Variants in CTBP2 observed in about 807,000 individuals in gnomAD.
CTBP2 encodes C-terminal binding protein 2, also known as C-terminal-binding protein 2.
CTBP2 carries 30 observed loss-of-function variants against 80.3 expected under a neutral mutation model. The ratio of observed to expected loss-of-function variants is 0.37; its 90% CI spans 0.28 to 0.51. The LOEUF is 0.51. CTBP2 is among the 20% of genes least tolerant of loss of function. The pLI is 0.93. For missense variants in CTBP2, 1,212 were observed against 1,375.3 expected (o/e 0.88, Z 1.88); for synonymous variants, 594 against 587.4 (o/e 1.01, Z -0.16).
intron 2 of CTBP2, among the ~76,000 whole-genome samples, chr10:125,084,804 G>A (rs967075127): frequency 5.3e-5 from 8 of 152,158 alleles, no homozygotes; most frequent in Middle Eastern, 6.8e-3. Context: ...CCACCAAGAC[G>A]CCTTGAGATC....
chr10:125,090,543 A>G (rs530521153), intron 2 of CTBP2, among the ~76,000 whole-genome samples: 1 of 151,786 alleles, frequency 6.6e-6, no homozygotes, highest in Non-Finnish European at 1.5e-5. Flanking sequence ...TGGAAGGATC[A>G]CTTGAGGCCA....
At chr10:125,071,404 G>T (rs1246454137) in intron 2 of CTBP2, among the ~76,000 whole-genome samples, 1 of 152,248 alleles carries the variant, frequency 6.6e-6, no homozygotes, top group Non-Finnish European at 1.5e-5. Flanking sequence ...AAGCAGCAAA[G>T]CCGGCTAACA....
At chr10:125,078,438 T>G (rs1369654042) in intron 2 of CTBP2, among the ~76,000 whole-genome samples, 1 of 152,192 alleles carries the variant, frequency 6.6e-6, no homozygotes, top group Non-Finnish European at 1.5e-5. Flanking sequence ...TTATCAATTA[T>G]TATTGATTAC....
chr10:125,012,950 A>T (rs1388384475), intron 1 of CTBP2, among the ~76,000 whole-genome samples: 1 of 152,234 alleles, frequency 6.6e-6, no homozygotes, highest in Non-Finnish European at 1.5e-5. Flanking sequence ...TGGTGAACTC[A>T]GTCGTCAAAA....
intron 2 of CTBP2, among the ~76,000 whole-genome samples, chr10:125,040,090 A>T (rs1959224173): frequency 6.6e-6 from 1 of 152,148 alleles, no homozygotes; most frequent in Admixed American, 6.5e-5. Context: ...GATCATTAAC[A>T]GCTGTCCCCA....
chr10:125,014,679 G>C (rs768765373), intron 1 of CTBP2, among the ~76,000 whole-genome samples: 1 of 152,204 alleles, frequency 6.6e-6, no homozygotes, highest in African/African-American at 2.4e-5. Context: ...GCCGAGACGG[G>C]AACACCAGCC....
chr10:125,105,798 C>T (rs1851362435), intron 2 of CTBP2, among the ~76,000 whole-genome samples: 1 of 152,230 alleles, frequency 6.6e-6, no homozygotes, highest in Non-Finnish European at 1.5e-5. Flanking sequence ...TCCTCTGCCA[C>T]TAATCACACC....
chr10:125,056,956 C>T (rs997808865), intron 2 of CTBP2, among the ~76,000 whole-genome samples: 1 of 152,202 alleles, frequency 6.6e-6, no homozygotes, highest in Non-Finnish European at 1.5e-5. Flanking sequence ...TTGCTTTCTC[C>T]ATCACACCTT....
In CTBP2 at chr10:125,018,553, C is replaced by CAACCAACA. The variant is rs71486507; in HGVS notation, c.1678+7528_1678+7529insTGTTGGTT. ...AAGCACCAGACCAAACCAAACCAAC[C>CAACCAACA]AACAAACAAACAAACAAACAAACAA... On this transcript the variant is annotated intron_variant, in intron 1 of 8. Transcript: ENST00000309035. 2.6e-4 allele frequency among the ~76,000 whole-genome samples: 26 copies of CAACCAACA among 99,570 alleles called. No individual in the cohort carries two copies. The East Asian group carries it at 6.0e-3, about 23-fold the overall frequency. The allele number at this position is 99,570 out of a possible 152,430, so 65.3% of individuals were successfully genotyped here.
intron 3 of CTBP2, among the ~76,000 whole-genome samples, chr10:125,002,638 A>G (rs554026309): frequency 1.3e-5 from 2 of 152,292 alleles, no homozygotes; most frequent in South Asian, 4.1e-4. Flanking sequence ...TTTAGAGGAC[A>G]TGTGGCCAGT....
chr10:125,149,873 A>T (rs1381647180), intron 1 of CTBP2, among the ~76,000 whole-genome samples: 1 of 152,206 alleles, frequency 6.6e-6, no homozygotes, highest in Non-Finnish European at 1.5e-5. Context: ...ATTCCCTGTC[A>T]GTTCTCTGAT....
At chr10:125,000,032 G>A (rs1164200317) in intron 3 of CTBP2, 1 of 152,318 alleles carries the variant, frequency 6.6e-6, no homozygotes, top group African/African-American at 2.4e-5. Flanking sequence ...CGTGTGTAAA[G>A]GCACCCGGGT....
rs552177223 is a variant in CTBP2, at chr10:125,026,770, C to T, written c.990G>A (p.Lys330=). The change falls in exon 1 of 9, where the codon AAG becomes AAA. Residue 330 remains lysine, a synonymous_variant. Transcript: ENST00000309035. Reference sequence around the variant, plus strand: ...CCTGGCCCAGGTTGGGTGCGACAGACTTGATATCCGCGTCCTCCAGGGTAG... The same window carrying T: ...CCTGGCCCAGGTTGGGTGCGACAGATTTGATATCCGCGTCCTCCAGGGTAG... 4.3e-6 allele frequency: 7 copies of T among 1,613,098 alleles called. No individual in the cohort carries two copies. The African/African-American group carries it at 5.3e-5, about 12-fold the overall frequency.
chr10:125,160,778 G>A (rs1035466382), upstream of CTBP2: 2 of 135,012 alleles, frequency 1.5e-5, no homozygotes, highest in African/African-American at 2.8e-5. Context: ...CGCCGAGAGG[G>A]GGCTGCGCTG....
intron 8 of CTBP2, among the ~76,000 whole-genome samples, chr10:124,991,923 C>A (rs73373174): frequency 1.3e-5 from 2 of 148,154 alleles, no homozygotes; most frequent in Non-Finnish European, 3.0e-5. Context: ...AAAACCGATT[C>A]GTGCATGGAA....
intron 2 of CTBP2, among the ~76,000 whole-genome samples, chr10:125,074,447 C>T (rs922600111): frequency 3.9e-5 from 6 of 152,194 alleles, no homozygotes; most frequent in African/African-American, 1.2e-4. Flanking sequence ...CTCTGCCTCG[C>T]GGGTTCAAGC....
At chr10:125,011,146 C>A (rs1055147321) in intron 1 of CTBP2, among the ~76,000 whole-genome samples, 1 of 152,242 alleles carries the variant, frequency 6.6e-6, no homozygotes, top group South Asian at 2.1e-4. Flanking sequence ...GGGTGCCCCA[C>A]ACCAAGTGGG....
At chr10:125,074,431 T>G (rs1845978326) in intron 2 of CTBP2, among the ~76,000 whole-genome samples, 1 of 152,230 alleles carries the variant, frequency 6.6e-6, no homozygotes, top group Non-Finnish European at 1.5e-5. Context: ...CTCTGCTCAC[T>G]GCAACCTCTG....
intron 1 of CTBP2, among the ~76,000 whole-genome samples, chr10:125,124,963 C>A (rs1854980826): frequency 6.6e-6 from 1 of 152,130 alleles, no homozygotes; most frequent in Non-Finnish European, 1.5e-5. Context: ...CCCTCTGCCC[C>A]CTCCCTCCTG....
Sources: allele counts gnomAD v4.1 joint callset (sites outside exome capture counted in the v4.1 genomes callset), GRCh38; gene constraint gnomAD v4.1.1; transcripts MANE v1.5; gene names NCBI Gene and HGNC (gene_info 2026-07-23, HGNC 2026-07-21).